The following MMP16 variants were observed in gnomAD, a reference collection of about 807,000 sequenced individuals.
The protein encoded by MMP16 is matrix metallopeptidase 16.
In MMP16, 12 loss-of-function variants were observed where a neutral mutation model predicts 67.8. That is an observed-to-expected ratio of 0.18 (90% confidence interval 0.11 to 0.29). MMP16 has a LOEUF of 0.29. Ranked by LOEUF, MMP16 falls within the 10% of genes least tolerant of loss-of-function variation. The pLI is 1.00. For synonymous variants in MMP16, 249 were observed against 255.9 expected (o/e 0.97, Z 0.26); for missense variants, 475 against 765.7 (o/e 0.62, Z 4.48).
At chr8:88,194,618 C>T (rs1187827176) in intron 2 of MMP16, among the ~76,000 whole-genome samples, 3 of 151,742 alleles carry the variant, frequency 2.0e-5, no homozygotes, top group South Asian at 2.1e-4. Flanking sequence ...ATGAAGCCAC[C>T]GGGTTTCTAG....
At chr8:88,118,888 T>G (rs182960006) in intron 4 of MMP16, 27 bp from the exon 5 acceptor site, 131 of 1,602,950 alleles carry the variant, frequency 8.2e-5, no homozygotes, top group Non-Finnish European at 1.1e-4. Context: ...AAAATAAGTT[T>G]TTGTAACTAA....
At chr8:88,141,561 C>A (rs979576437) in intron 4 of MMP16, among the ~76,000 whole-genome samples, 10 of 152,268 alleles carry the variant, frequency 6.6e-5, no homozygotes, top group Non-Finnish European at 1.3e-4. Flanking sequence ...TTGTGTTTCA[C>A]TTTCCTCATC....
intron 4 of MMP16, among the ~76,000 whole-genome samples, chr8:88,123,180 G>T (rs976980496): frequency 6.6e-6 from 1 of 151,924 alleles, no homozygotes; most frequent in Non-Finnish European, 1.5e-5. Context: ...TCTCCATTTG[G>T]TTAGGATTAA....
In MMP16 at chr8:88,327,346, G is replaced by A. The variant is rs1811557546; in HGVS notation, c.-140C>T. 8 of 1,146,660 alleles carry A rather than the reference G, an allele frequency of 7.0e-6. No individual in the cohort carries two copies. The highest frequency in any genetic ancestry group is 2.5e-4 in the Middle Eastern group (1 of 4,074). The allele number at this position is 1,146,660 out of a possible 1,614,324, so 71.0% of individuals were successfully genotyped here. A position where few individuals can be genotyped will look rare whatever the true frequency, so the allele number is the denominator to read the frequency against. On this transcript the variant is annotated 5_prime_UTR_variant, in exon 1 of 10. Coordinates refer to ENST00000286614, the MANE Select transcript of MMP16 (RefSeq NM_005941.5). ...GCAGGTTCACCCACAGCCGGGCAAG[G>A]GGAGGAGACAGGGGCCCCGCGCTCG...
At chr8:88,159,000 GC>G (rs1345394520) in intron 4 of MMP16, among the ~76,000 whole-genome samples, 22 of 151,998 alleles carry the variant, frequency 1.4e-4, no homozygotes, top group Admixed American at 1.4e-3. Context: ...ATTTCTGAGG[GC>G]TCTGTTCTGT....
chr8:88,324,125 ATTGAAT>A (rs1374336824), intron 1 of MMP16, among the ~76,000 whole-genome samples: 2 of 152,198 alleles, frequency 1.3e-5, no homozygotes, highest in Non-Finnish European at 2.9e-5. Flanking sequence ...AGAGCAGTGT[ATTGAAT>A]CTCTTCCATA....
intron 8 of MMP16, among the ~76,000 whole-genome samples, chr8:88,051,824 T>C (rs1277163109): frequency 6.6e-6 from 1 of 152,248 alleles, no homozygotes; most frequent in African/African-American, 2.4e-5. Flanking sequence ...TTAGATATGT[T>C]TGTGAGATGT....
intron 7 of MMP16, among the ~76,000 whole-genome samples, chr8:88,062,349 T>C (rs956274346): frequency 2.0e-5 from 3 of 152,030 alleles, no homozygotes; most frequent in Admixed American, 6.6e-5. Context: ...TATAAAGACA[T>C]ATGCACACGT....
intron 1 of MMP16, among the ~76,000 whole-genome samples, chr8:88,241,017 G>A (rs1810024851): frequency 6.7e-6 from 1 of 150,374 alleles, no homozygotes; most frequent in South Asian, 2.1e-4. Context: ...TAACTTGGGT[G>A]TTGAACTCGT....
intron 6 of MMP16, among the ~76,000 whole-genome samples, chr8:88,100,597 C>T (rs891630205): frequency 6.6e-6 from 1 of 151,918 alleles, no homozygotes; most frequent in Non-Finnish European, 1.5e-5. Context: ...GAAACAGAAA[C>T]ACCATTTTAC....
intron 6 of MMP16, among the ~76,000 whole-genome samples, chr8:88,083,174 G>T (rs1007071861): frequency 6.6e-6 from 1 of 151,828 alleles, no homozygotes; most frequent in Non-Finnish European, 1.5e-5. Context: ...TTAGAAATTA[G>T]AATGAAAATA....
intron 1 of MMP16, among the ~76,000 whole-genome samples, chr8:88,296,843 T>TAAA (rs35274247): frequency 1.7e-5 from 2 of 114,908 alleles, no homozygotes; most frequent in South Asian, 5.4e-4. Context: ...AGACACTGCC[T>TAAA]AAAAAAAAAA....
intron 2 of MMP16, among the ~76,000 whole-genome samples, chr8:88,192,039 T>G (rs1809176778): frequency 6.6e-6 from 1 of 152,230 alleles, no homozygotes; most frequent in Admixed American, 6.5e-5. Flanking sequence ...AAGTTTCCAT[T>G]CTCCATACTT....
intron 1 of MMP16, among the ~76,000 whole-genome samples, chr8:88,262,836 A>G (rs1054864131): frequency 1.7e-5 from 2 of 121,192 alleles, no homozygotes; most frequent in African/African-American, 6.3e-5. Context: ...CCCCGTCTCT[A>G]CTAAAAATAC....
At chr8:88,053,873 C>T (rs975059311) in intron 8 of MMP16, among the ~76,000 whole-genome samples, 1 of 152,006 alleles carries the variant, frequency 6.6e-6, no homozygotes, top group Non-Finnish European at 1.5e-5. Flanking sequence ...AAACCATAGT[C>T]ATTTAAATAG....
intron 1 of MMP16, among the ~76,000 whole-genome samples, chr8:88,255,793 C>T (rs1810292043): frequency 6.6e-6 from 1 of 152,204 alleles, no homozygotes; most frequent in Non-Finnish European, 1.5e-5. Context: ...CACTGACGAA[C>T]TGCTGAGCAA....
chr8:88,156,545 A>T (rs1159508414), intron 4 of MMP16, among the ~76,000 whole-genome samples: 6 of 152,140 alleles, frequency 3.9e-5, no homozygotes, highest in Non-Finnish European at 8.8e-5. Context: ...TGTTGTTTAC[A>T]TTGTAAGAAA....
chr8:88,174,865 CT>C (rs1808861624), intron 3 of MMP16, among the ~76,000 whole-genome samples: 4 of 151,984 alleles, frequency 2.6e-5, no homozygotes, highest in Admixed American at 2.6e-4. Context: ...AGCAATTCTC[CT>C]GCCTAGCCTA....
chr8:88,144,506 G>A (rs2118509617), intron 4 of MMP16, among the ~76,000 whole-genome samples: 1 of 151,138 alleles, frequency 6.6e-6, no homozygotes, highest in East Asian at 1.9e-4. Context: ...AATAAAGTCT[G>A]GTTTAAAAAA....
Sources: gnomAD v4.1 joint callset for allele counts (sites outside exome capture counted in the v4.1 genomes callset) on GRCh38, gnomAD v4.1.1 for gene constraint, MANE v1.5 for transcripts, NCBI Gene and HGNC (gene_info 2026-07-23, HGNC 2026-07-21) for gene names.